Variants in MROH1 observed in about 807,000 individuals in gnomAD.
MROH1 encodes maestro heat like repeat family member 1.
In MROH1, 117 loss-of-function variants were observed where a neutral mutation model predicts 116.5. That is an observed-to-expected ratio of 1.00 (90% CI 0.86 to 1.17). The LOEUF (loss-of-function observed/expected upper bound fraction) is 1.17. Among genes scored for constraint, MROH1 ranks in the 50% most tolerant of loss-of-function variants. MROH1 has a pLI of 0.00. For synonymous variants in MROH1, 921 were observed against 583.9 expected, an observed-to-expected ratio of 1.58 and a Z score of -8.32; for missense variants, 1,873 against 1,338.5, an observed-to-expected ratio of 1.40 and a Z score of -6.23.
chr8:144,186,192 C>T (rs1588000080), intron 7 of MROH1, among the ~76,000 whole-genome samples: 1 of 149,004 alleles, frequency 6.7e-6, no homozygotes, highest in South Asian at 2.1e-4. Context: ...GTGATCTTGG[C>T]TCACTGCAAC....
chr8:144,166,882 G>A lies in MROH1; in HGVS notation c.23-1413G>A, dbSNP rs117885701. Reference sequence around the variant, plus strand: ...ATGCAGACCCAGTTCAGTACGGGCCGGGTTTGCTTTACTGGCTGAATGTGG... The same window carrying A: ...ATGCAGACCCAGTTCAGTACGGGCCAGGTTTGCTTTACTGGCTGAATGTGG... On this transcript the variant is annotated intron_variant, in intron 3 of 43. Coordinates refer to ENST00000326134, the MANE Select transcript of MROH1 (RefSeq NM_032450.3). 2.8e-3 allele frequency among the ~76,000 whole-genome samples: 427 copies of A among 152,330 alleles called. 1 individual carries two copies. Among genetic ancestry groups the A allele is most frequent in the Middle Eastern group, 0.01 (3 of 294 alleles).
intron 10 of MROH1, 199 bp downstream of exon 10, chr8:144,192,600 C>T (rs768849365): frequency 1.1e-5 from 8 of 701,040 alleles, no homozygotes; most frequent in Non-Finnish European, 1.8e-5. Context: ...GTGGCACATG[C>T]AGGTGACATA....
At chr8:144,199,883 G>A (rs1830723633) in intron 11 of MROH1, among the ~76,000 whole-genome samples, 1 of 152,168 alleles carries the variant, frequency 6.6e-6, no homozygotes, top group Admixed American at 6.5e-5. Context: ...GGTTGTGGTG[G>A]GCAGATGGAT....
chr8:144,240,246 C>T (rs1039907345), intron 19 of MROH1, 93 bp downstream of exon 19: 7 of 654,654 alleles, frequency 1.1e-5, no homozygotes, highest in Middle Eastern at 3.5e-4. Flanking sequence ...CTGCCTCGAC[C>T]TCACCTCGTG....
intron 12 of MROH1, among the ~76,000 whole-genome samples, chr8:144,208,313 A>G (rs923585753): frequency 3.3e-5 from 5 of 151,964 alleles, no homozygotes; most frequent in Non-Finnish European, 7.4e-5. Flanking sequence ...TACTTTCTCC[A>G]TTGAATTGCT....
intron 2 of MROH1, among the ~76,000 whole-genome samples, chr8:144,162,111 GTC>G (rs1367069139): frequency 6.9e-6 from 1 of 144,074 alleles, no homozygotes; most frequent in African/African-American, 2.6e-5. Context: ...TTAAGACAGA[GTC>G]TCACTCTGTC....
In MROH1 at chr8:144,191,748, A is replaced by G; in HGVS notation, c.748A>G (p.Met250Val). 1.2e-6 allele frequency: 2 copies of G among 1,613,076 alleles called. No individual in the cohort carries two copies. The highest frequency in any genetic ancestry group is 2.2e-5 in the East Asian group (1 of 44,884). The change falls in exon 9 of 44, where the codon ATG becomes GTG. Residue 250 changes from methionine to valine, a missense_variant. Transcript: ENST00000326134. ...TGCCGTGGTGGAGGCTCTGGGGCCT[A>G]TGAGCCATCTGCTGCCCAGTGAGAG... ...RLAVVEALGP[M>V]SHLLPSERLE...
In MROH1 at chr8:144,243,550, C is replaced by T. The variant is rs1841379205; in HGVS notation, c.2409C>T (p.Ile803=). ...VQSVCMVSRA[I]CSSTQAGSFH... ...GTGTGTGCATGGTCAGCCGCGCCAT[C>T]TGCAGCAGCACCCAGGCTGGCTCCT... Residue 803 remains isoleucine (I), a synonymous_variant, in exon 25 of 44, where the codon ATC becomes ATT. Coordinates refer to ENST00000326134, the MANE Select transcript of MROH1 (RefSeq NM_032450.3). 1.3e-6 allele frequency: 1 copy of T among 780,264 alleles called. No individual in the cohort carries two copies. Among genetic ancestry groups the T allele is most frequent in the South Asian group, 1.3e-5 (1 of 74,620 alleles). 48.3% of individuals were successfully genotyped at this position (780,264 alleles called of 1,614,324 possible).
At chr8:144,206,887 G>C (rs577132639) in intron 12 of MROH1, among the ~76,000 whole-genome samples, 1 of 151,308 alleles carries the variant, frequency 6.6e-6, no homozygotes, top group Non-Finnish European at 1.5e-5. Context: ...ACAAAAAAAT[G>C]CCAGGTGTGG....
chr8:144,261,653 A>G lies in MROH1; in HGVS notation c.4841-2A>G. On this transcript the variant is annotated splice_acceptor_variant, in intron 43 of 43. Transcript: ENST00000326134. LOFTEE classifies it high-confidence loss of function. ...CAGGCAGCCCCCCTCCTCTACCCCC[A>G]GCGCTCCAGATCCTGCTGAAGGACC... The G allele has an allele frequency of 1.4e-6, 1 of 716,878 alleles. No homozygotes were observed. Among genetic ancestry groups the G allele is most frequent in the African/African-American group, 1.7e-5 (1 of 57,488 alleles). The allele number at this position is 716,878 out of a possible 1,614,324, so 44.4% of individuals were successfully genotyped here. A position where few individuals can be genotyped will look rare whatever the true frequency, so the allele number is the denominator to read the frequency against.
rs746410546 is a variant in MROH1, at chr8:144,180,486, G to A, written c.525G>A (p.Val175=). The A allele has an allele frequency of 8.7e-6, 14 of 1,612,056 alleles. No homozygotes were observed. The East Asian group carries it at 2.7e-4, about 31-fold the overall frequency. ...VLSSLLPVLG[V]AKQDTVRVAF... is the part of the protein sequence containing the mutation. ...GCTCCCTGCTGCCCGTGCTGGGCGT[G>A]GCCAAGCAGGACACGGTGCGCGTGG... Residue 175 remains valine, a synonymous_variant, in exon 7 of 44, where the codon GTG becomes GTA. Coordinates refer to ENST00000326134, the MANE Select transcript of MROH1 (RefSeq NM_032450.3). This position sits in a 1 kb window ranked among gnomAD's most constrained non-coding sequence, Gnocchi z 7.4.
rs1009701214 is a variant in MROH1, at chr8:144,174,848, C to T, written c.169-4607C>T. 6 of 985,238 alleles carry T rather than the reference C, an allele frequency of 6.1e-6. No homozygotes were observed. The African/African-American group carries it at 1.0e-4, about 17-fold the overall frequency. 61.0% of individuals were successfully genotyped at this position (985,238 alleles called of 1,614,324 possible). A position where few individuals can be genotyped will look rare whatever the true frequency, so the allele number is the denominator to read the frequency against. ...CATGGGTTCCTATGTTTTCCAGTTG[C>T]ATAACCCATTGCAGACTTGCTGAGT... On this transcript the variant is annotated intron_variant, in intron 4 of 43. Coordinates refer to ENST00000326134, the MANE Select transcript of MROH1 (RefSeq NM_032450.3).
intron 10 of MROH1, among the ~76,000 whole-genome samples, chr8:144,194,499 G>A (rs1393947608): frequency 6.6e-6 from 1 of 152,216 alleles, no homozygotes; most frequent in South Asian, 2.1e-4. Flanking sequence ...GGAAGGACCT[G>A]CCTCTCAATG....
chr8:144,216,684 CTTTTTTTTTTT>C (rs71320815), intron 12 of MROH1, among the ~76,000 whole-genome samples: 10,913 of 142,812 alleles, frequency 0.076, 562 homozygotes, highest in Admixed American at 0.12. Context: ...TTTTTTACTG[CTTTTTTTTTTT>C]TTTTTTTTTT....
At chr8:144,192,666 G>C (rs1042091525) in intron 10 of MROH1, 2 of 641,440 alleles carry the variant, frequency 3.1e-6, no homozygotes. Context: ...TGCAGGCCCA[G>C]TACAGGTGGT....
intron 12 of MROH1, among the ~76,000 whole-genome samples, chr8:144,218,232 C>T (rs543074414): frequency 6.6e-6 from 1 of 152,266 alleles, no homozygotes; most frequent in Admixed American, 6.5e-5. Flanking sequence ...AGGAACATTA[C>T]CCGAGATGGA....
At chr8:144,223,290 C>T (rs1220085191) in intron 14 of MROH1, 60 bp downstream of exon 14, 2 of 1,537,494 alleles carry the variant, frequency 1.3e-6, no homozygotes, top group East Asian at 2.4e-5. Context: ...CTGTGTTAGG[C>T]ACTGGCATCA....
At chr8:144,194,487 C>T (rs536896566) in intron 10 of MROH1, among the ~76,000 whole-genome samples, 2 of 152,210 alleles carry the variant, frequency 1.3e-5, no homozygotes, top group African/African-American at 2.4e-5. Flanking sequence ...AGGTCAATAA[C>T]AGGAAGGACC....
At chr8:144,217,079 G>A (rs933911335) in intron 12 of MROH1, among the ~76,000 whole-genome samples, 1 of 152,134 alleles carries the variant, frequency 6.6e-6, no homozygotes, top group Non-Finnish European at 1.5e-5. Flanking sequence ...CTGCGTTTTC[G>A]GAGGCCAAGG....
Sources: allele counts gnomAD v4.1 joint callset (sites outside exome capture counted in the v4.1 genomes callset), GRCh38; gene constraint gnomAD v4.1.1; non-coding constraint Gnocchi (gnomAD v3.1); transcripts MANE v1.5; gene names NCBI Gene and HGNC (gene_info 2026-07-23, HGNC 2026-07-21).